The following CATSPERG variants were observed in gnomAD, a reference collection of about 807,000 sequenced individuals.
CATSPERG encodes catsper channel auxiliary subunit gamma, also known as cation channel sperm-associated auxiliary subunit gamma.
In CATSPERG, 115 loss-of-function variants were observed where a neutral mutation model predicts 145.0. The ratio of observed to expected loss-of-function variants is 0.79; its 90% confidence interval spans 0.68 to 0.93. CATSPERG has a LOEUF of 0.93. Among genes scored for constraint, CATSPERG ranks in the 40% least tolerant of loss-of-function variants. CATSPERG has a pLI of 0.00. For synonymous variants in CATSPERG, 588 were observed against 589.0 expected (o/e 1.00, Z 0.02); for missense variants, 1,296 against 1,490.1 (o/e 0.87, Z 2.14).
Position 38,370,622 on chromosome 19 carries a change from A to T in CATSPERG, c.3310A>T (p.Lys1104Ter). 1 of 1,614,134 alleles carries T rather than the reference A, an allele frequency of 6.2e-7. No homozygotes were observed. Among genetic ancestry groups the T allele is most frequent in the Non-Finnish European group, 8.5e-7 (1 of 1,180,030 alleles). Reference sequence around the variant, plus strand: ...GAAGGGCTGCACGATGATCCGGTGGAAGATAAACAACCTCATTGCCTCAGA... The same window carrying T: ...GAAGGGCTGCACGATGATCCGGTGGTAGATAAACAACCTCATTGCCTCAGA... Reference protein sequence around the residue: ...VVKGCTMIRWKINNLIASESY... With the variant: ...VVKGCTMIRW Residue 1104 changes from lysine (K) to a stop codon, truncating the protein, a stop_gained, in exon 29 of 29, where the codon AAG becomes TAG. Coordinates refer to ENST00000409235, the MANE Select transcript of CATSPERG (RefSeq NM_021185.5). LOFTEE classifies it low-confidence loss of function (END_TRUNC).
Position 38,357,967 on chromosome 19 carries a change from T to C in CATSPERG, c.1316-311T>C, listed in dbSNP as rs144500305. 352 of 265,266 alleles carry C rather than the reference T, an allele frequency of 1.3e-3. 1 individual carries two copies. Among genetic ancestry groups the C allele is most frequent in the African/African-American group, 7.4e-3 (328 of 44,282 alleles). The allele number at this position is 265,266 out of a possible 1,614,324, so 16.4% of individuals were successfully genotyped here. On this transcript the variant is annotated intron_variant, in intron 11 of 28. Coordinates refer to ENST00000409235, the MANE Select transcript of CATSPERG (RefSeq NM_021185.5). Reference sequence around the variant, plus strand: ...ACTCCATCTCGAAAAAAAAAAAAATTAGCTGGGCATGGTGGTGGTGTGCGC... The same window carrying C: ...ACTCCATCTCGAAAAAAAAAAAAATCAGCTGGGCATGGTGGTGGTGTGCGC...
intron 28 of CATSPERG, 133 bp from the exon 29 acceptor site, chr19:38,370,393 C>A: frequency 7.1e-7 from 1 of 1,413,856 alleles, no homozygotes. Context: ...TGCCATGCCA[C>A]AGGCTGTCTA....
At chr19:38,351,038 C>T (rs766243547) in intron 7 of CATSPERG, among the ~76,000 whole-genome samples, 21 of 152,206 alleles carry the variant, frequency 1.4e-4, no homozygotes, top group Non-Finnish European at 2.5e-4. Flanking sequence ...CTGAAGACTA[C>T]AGAGGCTGCA....
chr19:38,345,057 C>T lies in CATSPERG; in HGVS notation c.669+689C>T, dbSNP rs114042068. 2.0e-3 allele frequency among the ~76,000 whole-genome samples: 294 copies of T among 149,248 alleles called. 1 individual carries two copies. Among genetic ancestry groups the T allele is most frequent in the African/African-American group, 7.0e-3 (283 of 40,568 alleles). The stretch of plus-strand genomic sequence containing the variant: ...AAGTAGCTGGGACCACGGGCATGTA[C>T]CACCATATCCAGCTAATTTTTAAAT... On this transcript the variant is annotated intron_variant, in intron 6 of 28. Transcript: ENST00000409235.
intron 8 of CATSPERG, 118 bp from the exon 9 acceptor site, chr19:38,354,592 G>A (rs149667296): frequency 9.2e-6 from 11 of 1,199,636 alleles, no homozygotes; most frequent in Admixed American, 4.7e-5. Context: ...CACACTGAAC[G>A]GGTGCTTCAG....
At chr19:38,345,444 C>T (rs1970025073) in intron 6 of CATSPERG, among the ~76,000 whole-genome samples, 2 of 151,924 alleles carry the variant, frequency 1.3e-5, no homozygotes, top group South Asian at 4.1e-4. Context: ...CCGCCTACCT[C>T]GGTCTCCCAA....
intron 14 of CATSPERG, 146 bp downstream of exon 14, chr19:38,359,727 C>T (rs1970311221): frequency 7.2e-7 from 1 of 1,389,594 alleles, no homozygotes; most frequent in African/African-American, 1.5e-5. Context: ...CCATTTATAA[C>T]TGAAACTCCT....
intron 8 of CATSPERG, among the ~76,000 whole-genome samples, chr19:38,354,131 T>C (rs1352044593): frequency 6.6e-6 from 1 of 152,098 alleles, no homozygotes; most frequent in African/African-American, 2.4e-5. Context: ...AGTGAATGCG[T>C]GTTCCCAGCA....
chr19:38,350,881 C>T (rs374441192), intron 7 of CATSPERG, among the ~76,000 whole-genome samples: 11 of 152,182 alleles, frequency 7.2e-5, no homozygotes, highest in African/African-American at 2.4e-4. Context: ...CCGAGCTACT[C>T]GGGAGGCTGA....
intron 26 of CATSPERG, among the ~76,000 whole-genome samples, 159 bp downstream of exon 26, chr19:38,368,296 G>T (rs1160134688): frequency 6.6e-6 from 1 of 152,216 alleles, no homozygotes; most frequent in Non-Finnish European, 1.5e-5. Flanking sequence ...TGAAGTCTCT[G>T]CCTGGAATGC....
chr19:38,354,640 A>G (rs752562149), intron 8 of CATSPERG, 70 bp from the exon 9 acceptor site: 27 of 1,559,298 alleles, frequency 1.7e-5, no homozygotes, highest in Non-Finnish European at 2.3e-5. Flanking sequence ...AAAGCCAGGG[A>G]AATGTGGGCA....
chr19:38,364,774 T>A (rs1433245711), intron 20 of CATSPERG, 117 bp from the exon 21 acceptor site: 3 of 804,776 alleles, frequency 3.7e-6, no homozygotes, highest in Non-Finnish European at 6.4e-6. Context: ...ATGGCAGCCT[T>A]CCGTTTTCCT....
At chr19:38,369,433 G>T in intron 26 of CATSPERG, 1 of 201,830 alleles carries the variant, frequency 5.0e-6, no homozygotes, top group Non-Finnish European at 1.1e-5. Context: ...GCTAATTTTT[G>T]TATTTTTTGT....
intron 7 of CATSPERG, among the ~76,000 whole-genome samples, chr19:38,348,442 C>T (rs1342098134): frequency 1.3e-5 from 2 of 150,504 alleles, no homozygotes; most frequent in Non-Finnish European, 3.0e-5. Flanking sequence ...ATCACCGTGC[C>T]TGGCCAATTT....
chr19:38,351,532 C>T (rs138310234), intron 7 of CATSPERG, among the ~76,000 whole-genome samples: 2,853 of 150,906 alleles, frequency 0.019, 45 homozygotes, highest in Non-Finnish European at 0.026. Flanking sequence ...GGCGTGAACC[C>T]GGGAGGCGGA....
rs772034508 is a variant in CATSPERG, at chr19:38,354,855, T to C, written c.1135+8T>C. 5 of 1,612,056 alleles carry C rather than the reference T, an allele frequency of 3.1e-6. No homozygotes were observed. The highest frequency in any genetic ancestry group is 4.2e-6 in the Non-Finnish European group (5 of 1,179,184). On this transcript the variant is annotated splice_region_variant and intron_variant, in intron 9 of 28. Transcript: ENST00000409235. ...ACTTCGGGACCATCAGAGGTAAGGGTGTGGGCCTCTGTCAGCCCCAGGGAC... is the reference window on the plus strand; with the variant it reads ...ACTTCGGGACCATCAGAGGTAAGGGCGTGGGCCTCTGTCAGCCCCAGGGAC...
chr19:38,335,833 G>C lies in CATSPERG; in HGVS notation c.-57G>C, dbSNP rs1288473716. On this transcript the variant is annotated 5_prime_UTR_variant, in exon 1 of 29. Transcript: ENST00000409235. ...GAGACCGGGCAAGAGGGGCGGGACT[G>C]GTGCGGCCGAGTGACAGTTGACCGG... 1 of 213,676 alleles carries C rather than the reference G, an allele frequency of 4.7e-6. No individual in the cohort carries two copies. The highest frequency in any genetic ancestry group is 2.4e-5 in the African/African-American group (1 of 42,510). The allele number at this position is 213,676 out of a possible 1,614,324, so 13.2% of individuals were successfully genotyped here. A position where few individuals can be genotyped will look rare whatever the true frequency, so the allele number is the denominator to read the frequency against.
rs985710593 is a variant in CATSPERG at position 38,352,347 on chromosome 19, G to T, written c.912G>T (p.Glu304Asp). 32 of 1,551,504 alleles carry T rather than the reference G, an allele frequency of 2.1e-5. No individual in the cohort carries two copies. The highest frequency in any genetic ancestry group is 2.6e-5 in the Non-Finnish European group (30 of 1,147,130). Residue 304 changes from glutamate to aspartate, a missense_variant, in exon 8 of 29, where the codon GAG (glutamate) becomes GAT (aspartate). By Grantham distance (45) the Glu-to-Asp change is conservative (BLOSUM62 2). Coordinates refer to ENST00000409235, the MANE Select transcript of CATSPERG (RefSeq NM_021185.5). ...CCATCTATGACACTATTGCCACCGA[G>T]AGCACCCTCTTCATTCGGCAGAACC... ...TATIYDTIAT[E>D]STLFIRQNQL...
At chr19:38,363,197 C>A (rs916375333) in intron 20 of CATSPERG, among the ~76,000 whole-genome samples, 2 of 152,112 alleles carry the variant, frequency 1.3e-5, no homozygotes, top group Non-Finnish European at 2.9e-5. Flanking sequence ...TGCCACTACA[C>A]CCAGCTAATT....
Sources: gnomAD v4.1 joint callset for allele counts (sites outside exome capture counted in the v4.1 genomes callset) on GRCh38, gnomAD v4.1.1 for gene constraint, MANE v1.5 for transcripts, NCBI Gene and HGNC (gene_info 2026-07-23, HGNC 2026-07-21) for gene names.